MYO3B: variants seen among roughly 807,000 people sequenced by gnomAD.
MYO3B encodes the protein myosin-IIIb.
A neutral mutation model predicts 174.6 loss-of-function variants in MYO3B; 156 were observed. That is an observed-to-expected ratio of 0.89 (90% confidence interval 0.78 to 1.02). MYO3B has a LOEUF of 1.02. MYO3B is among the 50% of genes least tolerant of loss of function. The probability of loss-of-function intolerance (pLI) is 0.00; values close to 1 mark genes in which losing one functional copy is unlikely to be tolerated. For synonymous variants in MYO3B, 563 were observed against 569.1 expected, an observed-to-expected ratio of 0.99 and a Z score of 0.15; for missense variants, 1,632 against 1,639.4, an observed-to-expected ratio of 1.00 and a Z score of 0.08.
chr2:170,410,494 T>C (rs1258286419), intron 22 of MYO3B, among the ~76,000 whole-genome samples: 1 of 150,816 alleles, frequency 6.6e-6, no homozygotes, highest in Non-Finnish European at 1.5e-5. Flanking sequence ...AGCAGGAGAA[T>C]TGCTTGAACC....
At chr2:170,488,489 A>G (rs1686214506) in intron 25 of MYO3B, among the ~76,000 whole-genome samples, 1 of 152,222 alleles carries the variant, frequency 6.6e-6, no homozygotes, top group South Asian at 2.1e-4. Context: ...AATGTTCAGA[A>G]GAAGATAAAA....
At chr2:170,619,737 C>CTATTTTTTTTTTTTT (rs1695739867) in intron 32 of MYO3B, among the ~76,000 whole-genome samples, 1 of 50,778 alleles carries the variant, frequency 2.0e-5, no homozygotes, top group Non-Finnish European at 3.4e-5. Flanking sequence ...CTGCCATATT[C>CTATTTTTTTTTTTTT]TTTTTTTTTT....
At chr2:170,199,631 G>A (rs1311859987) in intron 2 of MYO3B, among the ~76,000 whole-genome samples, 1 of 152,160 alleles carries the variant, frequency 6.6e-6, no homozygotes, top group Non-Finnish European at 1.5e-5. Context: ...ATCTTCAAAA[G>A]TTATTCTCTT....
intron 7 of MYO3B, among the ~76,000 whole-genome samples, chr2:170,316,680 T>A (rs899392392): frequency 6.6e-6 from 1 of 152,250 alleles, no homozygotes; most frequent in Admixed American, 6.5e-5. Flanking sequence ...TAATGTTATC[T>A]TATTCATGGT....
At chr2:170,404,452 G>C (rs769695303) in intron 20 of MYO3B, 52 bp downstream of exon 20, 3 of 1,534,108 alleles carry the variant, frequency 2.0e-6, no homozygotes, top group Non-Finnish European at 2.6e-6. Context: ...AACTTGGCTT[G>C]TGTCATCAAT....
At chr2:170,349,964 C>G (rs1485008253) in intron 8 of MYO3B, 1 of 152,134 alleles carries the variant, frequency 6.6e-6, no homozygotes, top group Non-Finnish European at 1.5e-5. Flanking sequence ...ATACACCTTC[C>G]TCTCTCAATA....
At chr2:170,615,139 C>A (rs1316528873) in intron 32 of MYO3B, among the ~76,000 whole-genome samples, 1 of 152,198 alleles carries the variant, frequency 6.6e-6, no homozygotes, top group African/African-American at 2.4e-5. Flanking sequence ...TCACATGTGA[C>A]TACACTTGAA....
intron 32 of MYO3B, among the ~76,000 whole-genome samples, chr2:170,629,379 T>C (rs2105372916): frequency 6.6e-6 from 1 of 152,322 alleles, no homozygotes; most frequent in East Asian, 1.9e-4. Context: ...CCTGTTATTT[T>C]TCCCCCATCC....
intron 22 of MYO3B, among the ~76,000 whole-genome samples, chr2:170,422,631 G>A (rs1039055387): frequency 1.6e-4 from 24 of 151,770 alleles, no homozygotes; most frequent in Admixed American, 1.6e-3. Flanking sequence ...GCTGATTTTT[G>A]TATTATTAGT....
Position 170,214,846 on chromosome 2 carries a change from T to G in MYO3B, c.526+18T>G. On this transcript the variant is annotated intron_variant, in intron 5 of 34. Coordinates refer to ENST00000408978, the MANE Select transcript of MYO3B (RefSeq NM_138995.5). ...TGACTTTGGTAATGACTGCTTGTCG[T>G]TTGTTTTCTTGACGTGTGCAGTTTA... The G allele has an allele frequency of 6.3e-7, 1 of 1,595,864 alleles. No homozygotes were observed. Among genetic ancestry groups the G allele is most frequent in the Non-Finnish European group, 8.6e-7 (1 of 1,163,468 alleles).
chr2:170,294,763 G>T (rs2093618093), intron 7 of MYO3B, among the ~76,000 whole-genome samples: 1 of 152,068 alleles, frequency 6.6e-6, no homozygotes, highest in African/African-American at 2.4e-5. Flanking sequence ...ACAACACCAA[G>T]ATTGAACTTT....
chr2:170,229,024 C>G (rs977177930), intron 6 of MYO3B, among the ~76,000 whole-genome samples: 1 of 148,486 alleles, frequency 6.7e-6, no homozygotes, highest in African/African-American at 2.5e-5. Flanking sequence ...TATGTATCAT[C>G]ATAGGTAAGA....
intron 7 of MYO3B, among the ~76,000 whole-genome samples, chr2:170,261,774 T>C (rs1013484349): frequency 4.6e-5 from 7 of 152,246 alleles, no homozygotes; most frequent in Non-Finnish European, 8.8e-5. Flanking sequence ...CAGCATTTAA[T>C]CTGCATCTTT....
At chr2:170,529,553 A>G (rs1414062320) in intron 30 of MYO3B, among the ~76,000 whole-genome samples, 2 of 152,050 alleles carry the variant, frequency 1.3e-5, no homozygotes, top group Non-Finnish European at 2.9e-5. Context: ...TAATAAGAAA[A>G]TCTGATCTCT....
chr2:170,188,385 T>G lies in MYO3B; in HGVS notation c.2+10096T>G, dbSNP rs1178927539. ...CTTGATAAGTGAAGTAGGTTTCTTGTAGGCAGCAGATCATTAGGTCATTAA... is the reference window on the plus strand; with the variant it reads ...CTTGATAAGTGAAGTAGGTTTCTTGGAGGCAGCAGATCATTAGGTCATTAA... On this transcript the variant is annotated intron_variant, in intron 1 of 34. Coordinates refer to ENST00000408978, the MANE Select transcript of MYO3B (RefSeq NM_138995.5). 2.6e-5 allele frequency among the ~76,000 whole-genome samples: 4 copies of G among 152,172 alleles called. No homozygotes were observed. The South Asian group carries it at 8.3e-4, about 32-fold the overall frequency.
chr2:170,639,278 G>T (rs2105433493), intron 32 of MYO3B, among the ~76,000 whole-genome samples: 1 of 152,316 alleles, frequency 6.6e-6, no homozygotes, highest in Non-Finnish European at 1.5e-5. Flanking sequence ...GCCTGGCATT[G>T]TGGGTCCCTA....
At chr2:170,229,968 A>T (rs114305385) in intron 6 of MYO3B, among the ~76,000 whole-genome samples, 1 of 152,110 alleles carries the variant, frequency 6.6e-6, no homozygotes, top group Non-Finnish European at 1.5e-5. Context: ...GTAGAAAGGG[A>T]TATAGTTGGG....
Position 170,489,634 on chromosome 2 carries a change from G to GGTGTGTGTGTGTGTGTGTGT in MYO3B, c.3015-8943_3015-8924dup, listed in dbSNP as rs369174830. Among the ~76,000 whole-genome samples the GGTGTGTGTGTGTGTGTGTGT allele has an allele frequency of 9.3e-3, 1,291 of 139,346 alleles. 14 individuals carry two copies. Among genetic ancestry groups the GGTGTGTGTGTGTGTGTGTGT allele is most frequent in the East Asian group, 0.017 (81 of 4,828 alleles). The allele number at this position is 139,346 out of a possible 152,430, so 91.4% of individuals were successfully genotyped here. On this transcript the variant is annotated intron_variant, in intron 25 of 34. Transcript: ENST00000408978. ...TCTCCAGAGAAACAAAACCAGTAGG[G>GGTGTGTGTGTGTGTGTGTGT]GTGTGTGTGTGTGTGTGTGTGTGTG... is the stretch of plus-strand genomic sequence containing the variant.
intron 23 of MYO3B, among the ~76,000 whole-genome samples, chr2:170,455,921 A>G (rs1656730485): frequency 6.6e-6 from 1 of 152,230 alleles, no homozygotes; most frequent in Non-Finnish European, 1.5e-5. Context: ...TTTGTCCAGA[A>G]TATGGCTTCT....
Sources: gnomAD v4.1 joint callset for allele counts (sites outside exome capture counted in the v4.1 genomes callset) on GRCh38, gnomAD v4.1.1 for gene constraint, MANE v1.5 for transcripts, NCBI Gene and HGNC (gene_info 2026-07-23, HGNC 2026-07-21) for gene names.